TTC39B: variants seen among roughly 807,000 people sequenced by gnomAD.
TTC39B encodes the protein tetratricopeptide repeat protein 39B.
TTC39B carries 92 observed loss-of-function variants against 96.6 expected under a neutral mutation model. The observed-to-expected ratio is 0.95, with a 90% CI of 0.80 to 1.13. TTC39B has a LOEUF of 1.13. Among genes scored for constraint, TTC39B ranks in the 50% most tolerant of loss-of-function variants. TTC39B has a pLI of 0.00. For missense variants in TTC39B, 955 were observed against 809.3 expected, an observed-to-expected ratio of 1.18 and a Z score of -2.18; for synonymous variants, 367 against 299.4, an observed-to-expected ratio of 1.23 and a Z score of -2.33.
chr9:15,180,428 G>A (rs950077240), intron 17 of TTC39B, among the ~76,000 whole-genome samples: 6 of 152,196 alleles, frequency 3.9e-5, no homozygotes, highest in Non-Finnish European at 7.3e-5. Context: ...TGACTCCAGG[G>A]ATGTCACCAA....
At chr9:15,209,690 A>G (rs1586878099) in intron 6 of TTC39B, among the ~76,000 whole-genome samples, 1 of 152,232 alleles carries the variant, frequency 6.6e-6, no homozygotes, top group Non-Finnish European at 1.5e-5. Context: ...GTGAAAAAAT[A>G]AAAACCATAG....
At chr9:15,286,490 C>G (rs145650914) in intron 1 of TTC39B, among the ~76,000 whole-genome samples, 6 of 152,330 alleles carry the variant, frequency 3.9e-5, no homozygotes, top group African/African-American at 1.4e-4. Flanking sequence ...TGTTCATCTC[C>G]TTCCACCTGT....
At chr9:15,233,783 C>A (rs1274010343) in intron 2 of TTC39B, among the ~76,000 whole-genome samples, 3 of 152,282 alleles carry the variant, frequency 2.0e-5, no homozygotes, top group Non-Finnish European at 4.4e-5. Flanking sequence ...GCCACCCCGT[C>A]TGGGAAGTGA....
chr9:15,174,584 T>G (rs1353777866), intron 19 of TTC39B, among the ~76,000 whole-genome samples: 1 of 152,174 alleles, frequency 6.6e-6, no homozygotes, highest in Non-Finnish European at 1.5e-5. Flanking sequence ...ACAATGAAGG[T>G]TGGCAAACTA....
intron 3 of TTC39B, among the ~76,000 whole-genome samples, chr9:15,218,632 T>TAAAAAAAATATATATATATATATATA (rs545882970): frequency 1.9e-5 from 2 of 105,110 alleles, no homozygotes; most frequent in African/African-American, 7.1e-5. Context: ...TTAGTCTATT[T>TAAAAAAAATATATATATATATATATA]TAAATATATA....
chr9:15,291,144 A>G (rs530318), intron 1 of TTC39B, among the ~76,000 whole-genome samples: 1,547 of 152,310 alleles, frequency 0.01, 33 homozygotes, highest in African/African-American at 0.035. Flanking sequence ...GTGGAAACAC[A>G]TTGTCCACAT....
chr9:15,304,842 T>C (rs1824707477), intron 1 of TTC39B, among the ~76,000 whole-genome samples: 1 of 152,148 alleles, frequency 6.6e-6, no homozygotes, highest in African/African-American at 2.4e-5. Context: ...CTGTTGTACC[T>C]CCAGGCTAGT....
intron 1 of TTC39B, among the ~76,000 whole-genome samples, chr9:15,282,611 T>C (rs1313811810): frequency 1.3e-5 from 2 of 152,168 alleles, no homozygotes; most frequent in East Asian, 3.9e-4. Flanking sequence ...GAAGTCACAA[T>C]AATGGCTAAC....
chr9:15,203,899 A>T lies in TTC39B; in HGVS notation c.692-9T>A, dbSNP rs1304065945. On this transcript the variant is annotated splice_polypyrimidine_tract_variant and intron_variant, in intron 6 of 19. Transcript: ENST00000512701. ...TTCAGCATGCATTTCCTCTACAAAA[A>T]ACAAATAAAATTATATTAAGTAAAA... is the stretch of plus-strand genomic sequence containing the variant. The T allele has an allele frequency of 1.2e-6, 2 of 1,610,558 alleles. No homozygotes were observed. Among genetic ancestry groups the T allele is most frequent in the African/African-American group, 2.7e-5 (2 of 74,828 alleles).
chr9:15,266,155 G>A (rs1374286894), intron 2 of TTC39B, among the ~76,000 whole-genome samples: 1 of 151,802 alleles, frequency 6.6e-6, no homozygotes, highest in Non-Finnish European at 1.5e-5. Context: ...ACCTGGGTGG[G>A]GTACACAGGA....
chr9:15,223,576 G>C (rs1820962906), intron 3 of TTC39B, among the ~76,000 whole-genome samples: 1 of 152,194 alleles, frequency 6.6e-6, no homozygotes, highest in African/African-American at 2.4e-5. Flanking sequence ...AACTCCATAA[G>C]AGCCACACTT....
intron 6 of TTC39B, among the ~76,000 whole-genome samples, chr9:15,207,690 A>C (rs1021250778): frequency 6.6e-6 from 1 of 152,076 alleles, no homozygotes; most frequent in African/African-American, 2.4e-5. Context: ...GCTTTTTAAA[A>C]ATGGAGGATT....
chr9:15,286,591 G>C (rs971676014), intron 1 of TTC39B, among the ~76,000 whole-genome samples: 1 of 152,158 alleles, frequency 6.6e-6, no homozygotes, highest in Non-Finnish European at 1.5e-5. Flanking sequence ...AGAAGTCTCC[G>C]GTGAGATAGT....
At chr9:15,166,889 CTTAA>C (rs1817526821) in exon 20 of TTC39B, 1 of 145,554 alleles carries the variant, frequency 6.9e-6, no homozygotes, top group African/African-American at 2.5e-5. Flanking sequence ...TTTAAAATGT[CTTAA>C]TTATATATAT....
chr9:15,252,718 G>A (rs1325457102), intron 2 of TTC39B, among the ~76,000 whole-genome samples: 1 of 152,134 alleles, frequency 6.6e-6, no homozygotes, highest in Non-Finnish European at 1.5e-5. Flanking sequence ...TTAGTGATGT[G>A]TATCCAAAAT....
chr9:15,303,362 C>G (rs1394025363), intron 1 of TTC39B, among the ~76,000 whole-genome samples: 1 of 151,422 alleles, frequency 6.6e-6, no homozygotes, highest in Non-Finnish European at 1.5e-5. Flanking sequence ...TTGAAAAAAT[C>G]ATTTTCTGAA....
chr9:15,270,296 TC>T (rs1320692550), intron 1 of TTC39B, among the ~76,000 whole-genome samples: 1 of 152,068 alleles, frequency 6.6e-6, no homozygotes, highest in African/African-American at 2.4e-5. Context: ...ACACAGGTTA[TC>T]ATGTGAGTAG....
chr9:15,221,972 T>G (rs992872321), intron 3 of TTC39B, among the ~76,000 whole-genome samples: 7 of 152,210 alleles, frequency 4.6e-5, no homozygotes, highest in African/African-American at 1.4e-4. Context: ...TGGTAACTAC[T>G]CTGGTTAAGC....
chr9:15,221,017 C>T (rs1289399944), intron 3 of TTC39B, among the ~76,000 whole-genome samples: 2 of 152,188 alleles, frequency 1.3e-5, no homozygotes, highest in African/African-American at 4.8e-5. Flanking sequence ...ATCAGGGCTA[C>T]GAGCTGCATG....
Sources: gnomAD v4.1 joint callset for allele counts (sites outside exome capture counted in the v4.1 genomes callset) on GRCh38, gnomAD v4.1.1 for gene constraint, MANE v1.5 for transcripts, NCBI Gene and HGNC (gene_info 2026-07-23, HGNC 2026-07-21) for gene names.